LOXL2: variants seen among roughly 807,000 people sequenced by gnomAD.
LOXL2 encodes lysyl oxidase like 2, also known as lysyl oxidase homolog 2.
Under a neutral mutation model 93.0 loss-of-function variants are expected in LOXL2, and 70 were observed. The ratio of observed to expected loss-of-function variants is 0.75; its 90% CI spans 0.62 to 0.92. The LOEUF (loss-of-function observed/expected upper bound fraction) is 0.92. LOXL2 is among the 40% of genes least tolerant of loss of function. The pLI is 0.00. For synonymous variants in LOXL2, 438 were observed against 413.2 expected (o/e 1.06, Z -0.73); for missense variants, 973 against 1,054.9 (o/e 0.92, Z 1.08).
chr8:23,394,191 A>C (rs940730810), intron 1 of LOXL2, among the ~76,000 whole-genome samples: 1 of 152,118 alleles, frequency 6.6e-6, no homozygotes, highest in South Asian at 2.1e-4. Flanking sequence ...TCAGGAGTTC[A>C]AGACCAGCCT....
chr8:23,319,191 G>A (rs1358037595), intron 8 of LOXL2, among the ~76,000 whole-genome samples: 1 of 149,032 alleles, frequency 6.7e-6, no homozygotes, highest in African/African-American at 2.5e-5. Flanking sequence ...AAGGGTGGCT[G>A]CTTTGCCTCA....
intron 1 of LOXL2, among the ~76,000 whole-genome samples, chr8:23,372,336 G>A (rs1389425850): frequency 6.6e-6 from 1 of 151,736 alleles, no homozygotes; most frequent in Non-Finnish European, 1.5e-5. Context: ...TCCTGCCTTA[G>A]CCCCTCGAGT....
intron 1 of LOXL2, among the ~76,000 whole-genome samples, chr8:23,380,242 A>C (rs1804661328): frequency 6.6e-6 from 1 of 151,968 alleles, no homozygotes; most frequent in Non-Finnish European, 1.5e-5. Flanking sequence ...AAAATACAAA[A>C]ATTAGCTGGG....
chr8:23,301,341 C>T (rs745912329), intron 12 of LOXL2, among the ~76,000 whole-genome samples: 8 of 152,300 alleles, frequency 5.3e-5, no homozygotes, highest in South Asian at 2.1e-4. Context: ...CAGAACATGC[C>T]GCTGTTTTCA....
Position 23,368,064 on chromosome 8 carries a change from G to A in LOXL2, c.288C>T (p.Val96=). 1 of 1,614,062 alleles carries A rather than the reference G, an allele frequency of 6.2e-7. No homozygotes were observed. ...DDFSIHAAHV[V]CRELGYVEAK... ...CCTCCACGTAGCCCAGCTCCCGGCA[G>A]ACGACGTGGGCAGCGTGGATGGAGA... Residue 96 remains valine, a synonymous_variant, in exon 2 of 14, where the codon GTC becomes GTT. Coordinates refer to ENST00000389131, the MANE Select transcript of LOXL2 (RefSeq NM_002318.3).
chr8:23,316,881 T>G, intron 9 of LOXL2, 68 bp downstream of exon 9: 72 of 1,406,050 alleles, frequency 5.1e-5, no homozygotes, highest in Non-Finnish European at 6.4e-5. Flanking sequence ...CAGAGTCTCT[T>G]GAGGAATAAC....
chr8:23,334,656 A>G (rs1803760742), intron 4 of LOXL2, among the ~76,000 whole-genome samples: 1 of 151,518 alleles, frequency 6.6e-6, no homozygotes, highest in African/African-American at 2.4e-5. Context: ...TTAAAGGCAG[A>G]ATATAGATGC....
chr8:23,357,276 G>T (rs1398228937), intron 3 of LOXL2, among the ~76,000 whole-genome samples: 1 of 152,066 alleles, frequency 6.6e-6, no homozygotes, highest in African/African-American at 2.4e-5. Context: ...CACCATCTTG[G>T]CCAGGCTGGT....
chr8:23,332,064 A>T (rs1803690729), intron 5 of LOXL2: 1 of 151,226 alleles, frequency 6.6e-6, no homozygotes, highest in Non-Finnish European at 1.5e-5. Context: ...AAGAAGAAGA[A>T]AAGAAAAGAA....
In LOXL2 at chr8:23,368,353, CCT is replaced by C. The variant is rs760701878; in HGVS notation, c.-4_-3del. On this transcript the variant is annotated 5_prime_UTR_variant, in exon 2 of 14. Transcript: ENST00000389131. ...GTGGGAGCACAGAGGCCTCTCCATC[CCT>C]GTCTTCGGGCTGATGATCCCACGAA... The C allele has an allele frequency of 6.2e-7, 1 of 1,610,274 alleles. No homozygotes were observed. The highest frequency in any genetic ancestry group is 1.3e-5 in the African/African-American group (1 of 75,046).
At chr8:23,385,923 G>T in intron 1 of LOXL2, 2 of 764,672 alleles carry the variant, frequency 2.6e-6, no homozygotes, top group Non-Finnish European at 4.8e-6. Flanking sequence ...CGTTTGCAGC[G>T]CATCTCAATT....
At chr8:23,356,170 G>C (rs1207783603) in intron 3 of LOXL2, among the ~76,000 whole-genome samples, 1 of 152,130 alleles carries the variant, frequency 6.6e-6, no homozygotes, top group Admixed American at 6.6e-5. Flanking sequence ...CCTGATACAT[G>C]ATGGGGAGGC....
intron 3 of LOXL2, among the ~76,000 whole-genome samples, chr8:23,347,795 C>G (rs1444324042): frequency 6.6e-6 from 1 of 151,980 alleles, no homozygotes; most frequent in African/African-American, 2.4e-5. Flanking sequence ...AGAATGAGAC[C>G]TCATTTCTAA....
At chr8:23,325,980 C>G (rs1476199507) in intron 6 of LOXL2, among the ~76,000 whole-genome samples, 1 of 152,196 alleles carries the variant, frequency 6.6e-6, no homozygotes, top group African/African-American at 2.4e-5. Flanking sequence ...CTCAAGGTCA[C>G]CAAGCAAGCA....
chr8:23,403,555 T>G (rs1800179064), intron 1 of LOXL2, among the ~76,000 whole-genome samples: 2 of 151,670 alleles, frequency 1.3e-5, no homozygotes, highest in Non-Finnish European at 2.9e-5. Context: ...GTCCCCCGCG[T>G]GCCCCACTCC....
At chr8:23,333,235 G>A (rs1166747561) in intron 5 of LOXL2, among the ~76,000 whole-genome samples, 166 bp downstream of exon 5, 2 of 152,238 alleles carry the variant, frequency 1.3e-5, no homozygotes, top group East Asian at 1.9e-4. Flanking sequence ...TCCCCCAGGT[G>A]GTCCTTCTCT....
At chr8:23,381,784 G>A (rs777375966) in intron 1 of LOXL2, among the ~76,000 whole-genome samples, 2 of 152,202 alleles carry the variant, frequency 1.3e-5, no homozygotes, top group Admixed American at 6.5e-5. Flanking sequence ...GGATGGGGAC[G>A]GCGAGGCCAT....
At chr8:23,401,280 A>G (rs1379308576) in intron 1 of LOXL2, among the ~76,000 whole-genome samples, 1 of 152,276 alleles carries the variant, frequency 6.6e-6, no homozygotes, top group East Asian at 1.9e-4. Flanking sequence ...TAGGAATGTA[A>G]CAAGTTACAC....
At chr8:23,351,115 T>C (rs1005555133) in intron 3 of LOXL2, among the ~76,000 whole-genome samples, 1 of 152,202 alleles carries the variant, frequency 6.6e-6, no homozygotes, top group African/African-American at 2.4e-5. Context: ...TCACTCCCTT[T>C]ATCCTCATGT....
Sources: gnomAD v4.1 joint callset for allele counts (sites outside exome capture counted in the v4.1 genomes callset) on GRCh38, gnomAD v4.1.1 for gene constraint, MANE v1.5 for transcripts, NCBI Gene and HGNC (gene_info 2026-07-23, HGNC 2026-07-21) for gene names.